Variants in TFIP11 observed in about 807,000 individuals in gnomAD.
The protein encoded by TFIP11 is tuftelin-interacting protein 11.
Under a neutral mutation model 96.8 loss-of-function variants are expected in TFIP11, and 86 were observed. That is an observed-to-expected ratio of 0.89 (90% CI 0.75 to 1.06). TFIP11 has a LOEUF of 1.06. Among genes scored for constraint, TFIP11 ranks in the 50% least tolerant of loss-of-function variants. The pLI is 0.00. For synonymous variants in TFIP11, 405 were observed against 395.2 expected, an observed-to-expected ratio of 1.02 and a Z score of -0.29; for missense variants, 881 against 1,076.7, an observed-to-expected ratio of 0.82 and a Z score of 2.54.
intron 14 of TFIP11, chr22:26,493,612 G>C (rs1381323045): frequency 6.4e-6 from 1 of 157,162 alleles, no homozygotes; most frequent in East Asian, 1.9e-4. Context: ...TATAGTACAC[G>C]AACAGTGAAC....
At position 26,496,898 on chromosome 22, in the gene TFIP11, GA is replaced by G. The variant is rs758689886; in HGVS notation, c.1437-10del. 3.1e-6 allele frequency: 5 copies of G among 1,613,496 alleles called. No individual in the cohort carries two copies. The highest frequency in any genetic ancestry group is 1.8e-4 in the Middle Eastern group (1 of 5,600). On this transcript the variant is annotated splice_polypyrimidine_tract_variant and intron_variant, in intron 10 of 14. Coordinates refer to ENST00000407690, the MANE Select transcript of TFIP11 (RefSeq NM_012143.4). Reference sequence around the variant, plus strand: ...AGACTTCCCATATCAACCTATGGGAGAAAGGCAGAGGACAGGCTGGTTAATT... The same window carrying G: ...AGACTTCCCATATCAACCTATGGGAGAAGGCAGAGGACAGGCTGGTTAATT...
intron 6 of TFIP11, among the ~76,000 whole-genome samples, chr22:26,505,322 G>A (rs1052990755): frequency 2.6e-5 from 4 of 152,198 alleles, no homozygotes; most frequent in African/African-American, 9.7e-5. Context: ...GCTACTAGAG[G>A]AAGATGGAAG....
At chr22:26,495,069 CTT>C in intron 12 of TFIP11, 130 bp from the exon 13 acceptor site, 2 of 1,247,634 alleles carry the variant, frequency 1.6e-6, no homozygotes, top group Non-Finnish European at 2.2e-6. Flanking sequence ...TCAAGTGACT[CTT>C]GTGCCTCAGC....
At chr22:26,495,937 C>G (rs1204257576) in intron 12 of TFIP11, 136 bp downstream of exon 12, 11 of 1,334,608 alleles carry the variant, frequency 8.2e-6, no homozygotes, top group Non-Finnish European at 1.1e-5. Context: ...AAAATGTTAC[C>G]TTTTTCACAG....
Position 26,491,285 on chromosome 22 carries a change from A to G in TFIP11, c.*728T>C. 2.8e-6 allele frequency: 2 copies of G among 705,976 alleles called. No individual in the cohort carries two copies. The highest frequency in any genetic ancestry group is 4.7e-6 in the Non-Finnish European group (2 of 422,652). 43.7% of individuals were successfully genotyped at this position (705,976 alleles called of 1,614,324 possible). ...TTTATTCTTAGTATCACAGTCCATG[A>G]TATCCACTGTCCTTGGGGCGCCCAA... On this transcript the variant is annotated 3_prime_UTR_variant, in exon 15 of 15. Transcript: ENST00000407690.
At chr22:26,506,739 A>G in intron 5 of TFIP11, 36 bp downstream of exon 5, 1 of 1,610,940 alleles carries the variant, frequency 6.2e-7, no homozygotes, top group South Asian at 1.1e-5. Flanking sequence ...CCTTTGAAGG[A>G]TATTCCTAGG....
intron 13 of TFIP11, chr22:26,494,586 G>T: frequency 1.3e-6 from 1 of 768,824 alleles, no homozygotes; most frequent in Non-Finnish European, 2.0e-6. Flanking sequence ...GAGGAGCTGA[G>T]ATAAAGCAAA....
rs1174272867 is a variant in TFIP11 at position 26,494,231 on chromosome 22, A to G, written c.2066T>C (p.Met689Thr). Reference protein sequence around the residue: ...ITKWYLGWKSMFSDQVLAHPS... With the variant: ...ITKWYLGWKSTFSDQVLAHPS... ...ATGTGCCAGCACTTGGTCTGAGAAC[A>G]TCGACTTCCAACCCAGGTACCACTT... is the stretch of plus-strand genomic sequence containing the variant. Residue 689 changes from methionine (M) to threonine (T), a missense_variant, in exon 14 of 15, where the codon ATG (methionine) becomes ACG (threonine). Physicochemically the swap from Met to Thr is moderately conservative, Grantham distance 81. Coordinates refer to ENST00000407690, the MANE Select transcript of TFIP11 (RefSeq NM_012143.4). The G allele has an allele frequency of 1.9e-6, 3 of 1,614,142 alleles. No individual in the cohort carries two copies. In the African/African-American group the frequency reaches 4.0e-5, roughly 22 times the overall value.
At chr22:26,506,666 A>G (rs1207724452) in intron 5 of TFIP11, 109 bp downstream of exon 5, 2 of 1,443,882 alleles carry the variant, frequency 1.4e-6, no homozygotes, top group Non-Finnish European at 9.5e-7. Flanking sequence ...CCAAAAGGAG[A>G]CACTCACGAA....
rs1161136561 is a variant in TFIP11, at chr22:26,493,961, T to G, written c.2158+178A>C. 1.6e-5 allele frequency: 10 copies of G among 629,426 alleles called. No homozygotes were observed. In the South Asian group the frequency reaches 2.0e-4, roughly 12 times the overall value. The allele number at this position is 629,426 out of a possible 1,614,324, so 39.0% of individuals were successfully genotyped here. On this transcript the variant is annotated intron_variant, in intron 14 of 14. Coordinates refer to ENST00000407690, the MANE Select transcript of TFIP11 (RefSeq NM_012143.4). ...TCTCAGTCATGGTAGACCTGGGCAG[T>G]GGGTGCCAGCTGACCATGTACCCCA...
rs1215257574 is a variant in TFIP11 at position 26,491,895 on chromosome 22, T to C, written c.*118A>G. The C allele has an allele frequency of 9.2e-7, 1 of 1,092,698 alleles. No individual in the cohort carries two copies. The highest frequency in any genetic ancestry group is 1.3e-6 in the Non-Finnish European group (1 of 768,098). The allele number at this position is 1,092,698 out of a possible 1,614,324, so 67.7% of individuals were successfully genotyped here. Reference sequence around the variant, plus strand: ...ATCCTTCCCTCATGACCTGGCCTGATGTGGAGTAGCTCCTGAGTAAAGAAG... The same window carrying C: ...ATCCTTCCCTCATGACCTGGCCTGACGTGGAGTAGCTCCTGAGTAAAGAAG... On this transcript the variant is annotated 3_prime_UTR_variant, in exon 15 of 15. Coordinates refer to ENST00000407690, the MANE Select transcript of TFIP11 (RefSeq NM_012143.4).
At chr22:26,499,735 A>T in intron 8 of TFIP11, 104 bp from the exon 9 acceptor site, 1 of 1,179,364 alleles carries the variant, frequency 8.5e-7, no homozygotes, top group South Asian at 1.5e-5. Context: ...TGTAGAAACC[A>T]CATTATTCAA....
chr22:26,510,072 T>C lies in TFIP11; in HGVS notation c.201A>G (p.Gly67=). The C allele has an allele frequency of 6.2e-7, 1 of 1,613,386 alleles. No individual in the cohort carries two copies. The highest frequency in any genetic ancestry group is 8.5e-7 in the Non-Finnish European group (1 of 1,180,024). Residue 67 remains glycine (G), a synonymous_variant, in exon 4 of 15, where the codon GGA becomes GGG. Transcript: ENST00000407690. ...RDSDDERPSF[G]GKRARDYSAP... is the part of the protein sequence containing the mutation. ...CCCATGCCAGGCAATACCGTTTGCC[T>C]CCAAAGCTGGGCCTCTCATCATCCG...
chr22:26,509,199 CCT>C (rs943457489), intron 4 of TFIP11, among the ~76,000 whole-genome samples: 4 of 152,170 alleles, frequency 2.6e-5, no homozygotes, highest in Non-Finnish European at 5.9e-5. Context: ...TACCCTTCCC[CCT>C]CTCTGCTCCA....
chr22:26,506,288 A>G lies in TFIP11; in HGVS notation c.520+15T>C. The G allele has an allele frequency of 6.3e-7, 1 of 1,581,272 alleles. No homozygotes were observed. Among genetic ancestry groups the G allele is most frequent in the South Asian group, 1.2e-5 (1 of 85,988 alleles). On this transcript the variant is annotated intron_variant, in intron 6 of 14. Coordinates refer to ENST00000407690, the MANE Select transcript of TFIP11 (RefSeq NM_012143.4). ...CTGCCCTCCTCCATCATGCAAGACG[A>G]CAAAGGTGCAATACCTTGTGCATTC...
chr22:26,511,088 A>G (rs1455469783), intron 2 of TFIP11: 1 of 152,238 alleles, frequency 6.6e-6, no homozygotes, highest in Non-Finnish European at 1.5e-5. Flanking sequence ...ACATACATAT[A>G]TAAAGGGGAG....
In TFIP11 at chr22:26,498,252, T is replaced by C. The variant is rs117504822; in HGVS notation, c.1436+617A>G. 7.7e-3 allele frequency among the ~76,000 whole-genome samples: 1,171 copies of C among 152,154 alleles called. 13 individuals are homozygous for C. The highest frequency in any genetic ancestry group is 0.027 in the Middle Eastern group (8 of 294). ...GGGAAGGGGGTGAGGGATAAAAGACTACAAATTGAACCAGGCACGGTGGCT... is the reference window on the plus strand; with the variant it reads ...GGGAAGGGGGTGAGGGATAAAAGACCACAAATTGAACCAGGCACGGTGGCT... On this transcript the variant is annotated intron_variant, in intron 10 of 14. Coordinates refer to ENST00000407690, the MANE Select transcript of TFIP11 (RefSeq NM_012143.4).
intron 10 of TFIP11, among the ~76,000 whole-genome samples, chr22:26,497,874 C>CAAAAA (rs35461044): frequency 1.1e-5 from 1 of 89,158 alleles, no homozygotes; most frequent in Non-Finnish European, 2.1e-5. Context: ...GACTTCATCT[C>CAAAAA]AAAAAAAAAA....
At chr22:26,500,946 C>T (rs1049547238) in intron 8 of TFIP11, among the ~76,000 whole-genome samples, 6 of 143,464 alleles carry the variant, frequency 4.2e-5, no homozygotes, top group African/African-American at 7.8e-5. Flanking sequence ...TGCAGTGGCA[C>T]GATTTCCGCT....
Sources: allele counts gnomAD v4.1 joint callset (sites outside exome capture counted in the v4.1 genomes callset), GRCh38; gene constraint gnomAD v4.1.1; transcripts MANE v1.5; gene names NCBI Gene and HGNC (gene_info 2026-07-23, HGNC 2026-07-21).